The following LARGE1 variants were observed in gnomAD, a reference collection of about 807,000 sequenced individuals.
LARGE1 encodes the protein xylosyl- and glucuronyltransferase LARGE1.
Under a neutral mutation model 87.6 loss-of-function variants are expected in LARGE1, and 43 were observed. The observed-to-expected ratio is 0.49, with a 90% CI of 0.38 to 0.63. The LOEUF is 0.63. Ranked by LOEUF, LARGE1 falls within the 30% of genes least tolerant of loss-of-function variation. LARGE1 has a pLI of 0.00. For missense variants in LARGE1, 802 were observed against 1,000.2 expected (o/e 0.80, Z 2.67); for synonymous variants, 434 against 394.6 (o/e 1.10, Z -1.18).
At chr22:33,078,803 C>G in the LARGE1 span, among the ~76,000 whole-genome samples, 100,317 of 152,136 alleles carry the variant, frequency 0.66, 34,857 homozygotes, top group African/African-American at 0.89. Context: ...AATAAAGGCA[C>G]AGAGGGTCAC....
chr22:33,797,886 C>A (rs1299547968), intron 1 of LARGE1, among the ~76,000 whole-genome samples: 1 of 152,200 alleles, frequency 6.6e-6, no homozygotes, highest in Non-Finnish European at 1.5e-5. Flanking sequence ...TCCCATGTGG[C>A]TCACCTATAA....
intron 6 of LARGE1, among the ~76,000 whole-genome samples, chr22:33,503,244 T>C (rs922703325): frequency 3.5e-5 from 5 of 143,460 alleles, no homozygotes; most frequent in East Asian, 2.0e-4. Flanking sequence ...GAGTTCCCCT[T>C]TTTTTTTTTT....
chr22:33,089,376 TTCTTCTTCTTCC>T, the LARGE1 span, among the ~76,000 whole-genome samples: 14 of 133,738 alleles, frequency 1.0e-4, no homozygotes, highest in African/African-American at 3.6e-4. Flanking sequence ...CTTCTCCTTC[TTCTTCTTCTTCC>T]TCTTCTTCTT....
chr22:33,589,871 T>C (rs1423374732), intron 5 of LARGE1, among the ~76,000 whole-genome samples: 1 of 152,192 alleles, frequency 6.6e-6, no homozygotes, highest in Non-Finnish European at 1.5e-5. Context: ...TCCAAGAAGT[T>C]TGAATTTCCC....
chr22:33,904,314 C>T (rs1013791025), intron 1 of LARGE1, among the ~76,000 whole-genome samples: 8 of 152,294 alleles, frequency 5.3e-5, no homozygotes, highest in African/African-American at 1.7e-4. Flanking sequence ...TGCCACCACG[C>T]TTGGCTAATT....
At chr22:33,501,335 C>T (rs1447710411) in intron 6 of LARGE1, among the ~76,000 whole-genome samples, 3 of 152,172 alleles carry the variant, frequency 2.0e-5, no homozygotes, top group Non-Finnish European at 4.4e-5. Flanking sequence ...ACAGAAGACG[C>T]TGACTTGGGG....
intron 12 of LARGE1, among the ~76,000 whole-genome samples, chr22:33,284,770 G>T (rs1335998457): frequency 6.6e-6 from 1 of 152,152 alleles, no homozygotes; most frequent in Non-Finnish European, 1.5e-5. Context: ...TAGAGACTGG[G>T]TTTCACCGTG....
intron 1 of LARGE1, among the ~76,000 whole-genome samples, chr22:33,879,050 G>A (rs568956986): frequency 1.3e-4 from 19 of 151,042 alleles, no homozygotes; most frequent in African/African-American, 4.1e-4. Flanking sequence ...TCAGCCTACC[G>A]CAACCTCTGC....
chr22:33,882,029 GTTTTTGTTTTTT>G (rs1569009901), intron 1 of LARGE1, among the ~76,000 whole-genome samples: 2 of 137,286 alleles, frequency 1.5e-5, no homozygotes, highest in Non-Finnish European at 1.5e-5. Context: ...GGGTTTTTTT[GTTTTTGTTTTTT>G]TTTGTTTTTT....
intron 6 of LARGE1, among the ~76,000 whole-genome samples, chr22:33,460,654 C>T (rs1397507685): frequency 2.6e-5 from 4 of 152,142 alleles, no homozygotes; most frequent in African/African-American, 9.7e-5. Context: ...ACTGGGGAGC[C>T]TGCCTATCCC....
chr22:33,404,878 AGTG>A (rs1392344848), intron 7 of LARGE1, among the ~76,000 whole-genome samples: 6 of 152,038 alleles, frequency 3.9e-5, no homozygotes, highest in African/African-American at 1.5e-4. Flanking sequence ...GCTTCTGTTC[AGTG>A]GGGGGGAAGG....
rs369913689 is a variant in LARGE1 at position 33,419,429 on chromosome 22, C to T, written c.892+12732G>A. On this transcript the variant is annotated intron_variant, in intron 7 of 14. Coordinates refer to ENST00000397394, the MANE Select transcript of LARGE1 (RefSeq NM_133642.5). ...GGGCCATGATCATGAGAGGGAAACACGATCACCCAAGTACACGCCTGCTTG... is the reference window on the plus strand; with the variant it reads ...GGGCCATGATCATGAGAGGGAAACATGATCACCCAAGTACACGCCTGCTTG... Among the ~76,000 whole-genome samples, 186 of 151,896 alleles carry T rather than the reference C, an allele frequency of 1.2e-3. 2 individuals carry two copies. Among genetic ancestry groups the T allele is most frequent in the African/African-American group, 4.1e-3 (168 of 41,434 alleles).
chr22:33,248,654 A>T (rs1349132394), intron 11 of LARGE1, among the ~76,000 whole-genome samples: 1 of 152,214 alleles, frequency 6.6e-6, no homozygotes, highest in Non-Finnish European at 1.5e-5. Flanking sequence ...AATGACATGT[A>T]TCCACCATTA....
rs1162219002 is a variant in LARGE1 at position 33,313,391 on chromosome 22, G to A, written c.1451+2694C>T. ...CATAGAATCGGTGCACCTCCTGCAC[G>A]ACACTCAGAACTAAACATCCTACTG... On this transcript the variant is annotated intron_variant, in intron 11 of 14. Coordinates refer to ENST00000397394, the MANE Select transcript of LARGE1 (RefSeq NM_133642.5). Among the ~76,000 whole-genome samples the A allele has an allele frequency of 2.6e-5, 4 of 152,036 alleles. No individual in the cohort carries two copies. The East Asian group carries it at 5.8e-4, about 22-fold the overall frequency.
intron 11 of LARGE1, among the ~76,000 whole-genome samples, chr22:33,245,768 G>A (rs916441790): frequency 6.6e-6 from 1 of 152,124 alleles, no homozygotes; most frequent in Non-Finnish European, 1.5e-5. Flanking sequence ...AATTAGCCAG[G>A]CGTGGTGGTG....
At chr22:33,393,206 C>A (rs2065594804) in intron 7 of LARGE1, among the ~76,000 whole-genome samples, 1 of 152,190 alleles carries the variant, frequency 6.6e-6, no homozygotes, top group Non-Finnish European at 1.5e-5. Context: ...GGAGTTTGCA[C>A]TCAGGTCATA....
chr22:33,150,638 TTAGG>T, the LARGE1 span, among the ~76,000 whole-genome samples: 2 of 152,226 alleles, frequency 1.3e-5, no homozygotes, highest in African/African-American at 2.4e-5. Flanking sequence ...AGTGTGAGAC[TTAGG>T]TTAAGGTTCA....
chr22:33,285,162 AG>A, intron 12 of LARGE1, among the ~76,000 whole-genome samples: 1 of 152,288 alleles, frequency 6.6e-6, no homozygotes, highest in East Asian at 1.9e-4. Flanking sequence ...GCCAGGACCT[AG>A]GAATTCATTC....
chr22:33,175,732 A>C (rs772918529), intron 11 of LARGE1, among the ~76,000 whole-genome samples: 5 of 152,190 alleles, frequency 3.3e-5, no homozygotes, highest in Non-Finnish European at 7.3e-5. Flanking sequence ...ATACTGCCCA[A>C]AGTAATATAT....
Sources: allele counts gnomAD v4.1 joint callset (sites outside exome capture counted in the v4.1 genomes callset), GRCh38; gene constraint gnomAD v4.1.1; transcripts MANE v1.5; gene names NCBI Gene and HGNC (gene_info 2026-07-23, HGNC 2026-07-21).